CADM1: variants seen among roughly 807,000 people sequenced by gnomAD.
CADM1 encodes cell adhesion molecule 1.
In CADM1, 15 loss-of-function variants were observed where a neutral mutation model predicts 53.1. The ratio of observed to expected loss-of-function variants is 0.28; its 90% CI spans 0.19 to 0.44. The LOEUF (loss-of-function observed/expected upper bound fraction) is 0.44, where lower values mean the gene tolerates loss of function less well. Ranked by LOEUF, CADM1 falls within the 20% of genes least tolerant of loss-of-function variation. The pLI is 1.00. For missense variants in CADM1, 434 were observed against 611.3 expected (o/e 0.71, Z 3.06); for synonymous variants, 281 against 243.0 (o/e 1.16, Z -1.45).
intron 9 of CADM1, among the ~76,000 whole-genome samples, chr11:115,193,534 A>G (rs1315900643): frequency 1.3e-5 from 2 of 152,176 alleles, no homozygotes; most frequent in Non-Finnish European, 2.9e-5. Flanking sequence ...TGCCGTTGTG[A>G]TTCTTCCTTT....
chr11:115,431,351 A>C (rs1591228919), intron 1 of CADM1, among the ~76,000 whole-genome samples: 1 of 151,866 alleles, frequency 6.6e-6, no homozygotes, highest in Admixed American at 6.6e-5. Flanking sequence ...TTTCAATTCC[A>C]CCTACCTCTC....
chr11:115,304,030 T>C (rs1434088987), intron 1 of CADM1, among the ~76,000 whole-genome samples: 1 of 152,078 alleles, frequency 6.6e-6, no homozygotes. Flanking sequence ...AGATGAAAAC[T>C]GTTGGCTTCT....
At chr11:115,284,106 C>CTCTCTCTCTCTCTCTCTG (rs1555055877) in intron 1 of CADM1, among the ~76,000 whole-genome samples, 1 of 134,200 alleles carries the variant, frequency 7.5e-6, no homozygotes, top group Non-Finnish European at 1.6e-5. Context: ...CTCTCTCTCT[C>CTCTCTCTCTCTCTCTCTG]TCTCTCTCTG....
intron 1 of CADM1, among the ~76,000 whole-genome samples, chr11:115,387,428 G>A (rs535700095): frequency 2.6e-5 from 4 of 152,174 alleles, no homozygotes; most frequent in African/African-American, 7.2e-5. Flanking sequence ...AAGGGAAATT[G>A]TACTTCAAAT....
At chr11:115,219,116 G>T (rs757931824) in intron 5 of CADM1, among the ~76,000 whole-genome samples, 2 of 152,102 alleles carry the variant, frequency 1.3e-5, no homozygotes, top group Non-Finnish European at 2.9e-5. Context: ...TTGGCTGAAA[G>T]GTCAAAATAA....
chr11:115,303,150 CTCT>C (rs1944277098), intron 1 of CADM1, among the ~76,000 whole-genome samples: 1 of 152,050 alleles, frequency 6.6e-6, no homozygotes, highest in Non-Finnish European at 1.5e-5. Context: ...AGTATACATT[CTCT>C]TCTTAATAAC....
At chr11:115,498,196 C>A (rs951144692) in intron 1 of CADM1, among the ~76,000 whole-genome samples, 6 of 152,136 alleles carry the variant, frequency 3.9e-5, no homozygotes, top group Non-Finnish European at 5.9e-5. Context: ...AAATAAGGCC[C>A]AAATACTTAC....
chr11:115,434,860 A>ATTTTTTTTTTT (rs35368859), intron 1 of CADM1, among the ~76,000 whole-genome samples: 1 of 132,826 alleles, frequency 7.5e-6, no homozygotes, highest in African/African-American at 2.7e-5. Flanking sequence ...TATTATTATT[A>ATTTTTTTTTTT]TTATTTTTTT....
At chr11:115,453,937 A>G (rs533534427) in intron 1 of CADM1, among the ~76,000 whole-genome samples, 2 of 152,234 alleles carry the variant, frequency 1.3e-5, no homozygotes, top group East Asian at 3.9e-4. Context: ...CTTATAAGAT[A>G]TATCCTTCTA....
At chr11:115,456,489 C>A (rs1948686815) in intron 1 of CADM1, among the ~76,000 whole-genome samples, 1 of 151,810 alleles carries the variant, frequency 6.6e-6, no homozygotes, top group South Asian at 2.1e-4. Flanking sequence ...TATCTTAAGT[C>A]AGATGAGTTT....
intron 1 of CADM1, among the ~76,000 whole-genome samples, chr11:115,348,467 C>A (rs370752671): frequency 4.6e-5 from 7 of 152,162 alleles, no homozygotes; most frequent in Non-Finnish European, 8.8e-5. Flanking sequence ...CACTCAGTTA[C>A]CACACAAATT....
chr11:115,449,384 G>T (rs1209722878), intron 1 of CADM1, among the ~76,000 whole-genome samples: 1 of 152,156 alleles, frequency 6.6e-6, no homozygotes. Context: ...TCAGCTAAGA[G>T]GCTCAATGGT....
At position 115,173,680 on chromosome 11, in the gene CADM1, CTTT is replaced by C. The variant is rs887826247; in HGVS notation, c.*2791_*2793del. ...AGAAGACAGATATTTTATAGTACTT[CTTT>C]TTTTTCTTTTTTTTTTTGTAAAAAT... On this transcript the variant is annotated 3_prime_UTR_variant, in exon 12 of 12. Coordinates refer to ENST00000331581, the MANE Select transcript of CADM1 (RefSeq NM_001301043.2). The C allele has an allele frequency of 3.3e-5, 16 of 482,352 alleles. No individual in the cohort carries two copies. Among genetic ancestry groups the C allele is most frequent in the Non-Finnish European group, 3.9e-5 (15 of 385,790 alleles). The allele number at this position is 482,352 out of a possible 1,614,324, so 29.9% of individuals were successfully genotyped here.
intron 1 of CADM1, among the ~76,000 whole-genome samples, chr11:115,370,139 C>A (rs1211780563): frequency 6.6e-6 from 1 of 152,132 alleles, no homozygotes; most frequent in Non-Finnish European, 1.5e-5. Context: ...AACAAAAATT[C>A]TCTCTCCAGA....
At chr11:115,315,968 C>T (rs1304866092) in intron 1 of CADM1, among the ~76,000 whole-genome samples, 1 of 152,096 alleles carries the variant, frequency 6.6e-6, no homozygotes, top group African/African-American at 2.4e-5. Context: ...TCTTGCTTCC[C>T]GGTGTTGGTT....
intron 1 of CADM1, among the ~76,000 whole-genome samples, chr11:115,411,792 T>C (rs1329415848): frequency 6.6e-6 from 1 of 152,094 alleles, no homozygotes; most frequent in Non-Finnish European, 1.5e-5. Flanking sequence ...AAGCTGGAAC[T>C]CCCTAAGTCA....
intron 1 of CADM1, among the ~76,000 whole-genome samples, chr11:115,437,089 A>G (rs1313222696): frequency 6.6e-6 from 1 of 152,222 alleles, no homozygotes; most frequent in African/African-American, 2.4e-5. Flanking sequence ...AGACTAATAT[A>G]CACAAAATCC....
chr11:115,406,872 C>T (rs1279365876), intron 1 of CADM1, among the ~76,000 whole-genome samples: 2 of 151,212 alleles, frequency 1.3e-5, no homozygotes, highest in African/African-American at 4.8e-5. Context: ...ATCACTTGAA[C>T]CTGGGAGGTG....
intron 1 of CADM1, among the ~76,000 whole-genome samples, chr11:115,414,429 T>C (rs1028201809): frequency 6.6e-6 from 1 of 152,198 alleles, no homozygotes; most frequent in Admixed American, 6.5e-5. Flanking sequence ...CACAGAGTTA[T>C]ATTCTTTGTA....
Sources: allele counts gnomAD v4.1 joint callset (sites outside exome capture counted in the v4.1 genomes callset), GRCh38; gene constraint gnomAD v4.1.1; transcripts MANE v1.5; gene names NCBI Gene and HGNC (gene_info 2026-07-23, HGNC 2026-07-21).